Variants in GSTA2 observed in about 807,000 individuals in gnomAD.
GSTA2 encodes the protein glutathione S-transferase alpha 2.
In GSTA2, 27 loss-of-function variants were observed where a neutral mutation model predicts 22.4. The observed-to-expected ratio is 1.21, with a 90% confidence interval of 0.89 to 1.67. GSTA2 has a LOEUF of 1.67. Ranked by LOEUF, GSTA2 falls within the 40% of genes most tolerant of loss-of-function variation. The pLI, the probability that GSTA2 is intolerant of heterozygous loss-of-function variation, is 0.00. For synonymous variants in GSTA2, 121 were observed against 86.8 expected (o/e 1.39, Z -2.19); for missense variants, 302 against 260.2 (o/e 1.16, Z -1.11).
intron 1 of GSTA2, among the ~76,000 whole-genome samples, chr6:52,759,575 T>TTG (rs1762915701): frequency 3.8e-5 from 4 of 106,226 alleles, no homozygotes; most frequent in South Asian, 3.3e-4. Context: ...TTTTTTTTTT[T>TTG]TTTTTTTTTT....
intron 3 of GSTA2, among the ~76,000 whole-genome samples, 167 bp downstream of exon 3, chr6:52,756,091 G>T (rs1368588020): frequency 6.6e-6 from 1 of 152,074 alleles, no homozygotes; most frequent in Non-Finnish European, 1.5e-5. Context: ...GGAGAGAGTT[G>T]CCAGACTTGC....
At chr6:52,754,150 T>A (rs1397446247) in intron 4 of GSTA2, among the ~76,000 whole-genome samples, 1 of 152,250 alleles carries the variant, frequency 6.6e-6, no homozygotes, top group Non-Finnish European at 1.5e-5. Flanking sequence ...TTGTTTCCAC[T>A]TTTTGAATTC....
intron 1 of GSTA2, among the ~76,000 whole-genome samples, chr6:52,763,175 CT>C: frequency 6.6e-6 from 1 of 152,120 alleles, no homozygotes. Flanking sequence ...GCTACCATTT[CT>C]TTTTTCTCCT....
intron 5 of GSTA2, 66 bp downstream of exon 5, chr6:52,752,788 C>G: frequency 6.3e-7 from 1 of 1,599,180 alleles, no homozygotes; most frequent in Non-Finnish European, 8.6e-7. Flanking sequence ...CCCAGGAATG[C>G]CCAGCCACTA....
chr6:52,750,458 A>T lies in GSTA2; in HGVS notation c.*119T>A. On this transcript the variant is annotated 3_prime_UTR_variant, in exon 7 of 7. Coordinates refer to ENST00000493422, the MANE Select transcript of GSTA2 (RefSeq NM_000846.5). The stretch of plus-strand genomic sequence containing the variant: ...GAGTTGTATTATTTAATTAGCATAT[A>T]ATTTGAAAGAGTTCATTAGCTTCAC... 1 of 898,104 alleles carries T rather than the reference A, an allele frequency of 1.1e-6. No individual in the cohort carries two copies. 55.6% of individuals were successfully genotyped at this position (898,104 alleles called of 1,614,324 possible).
chr6:52,761,795 G>T (rs1483526414), intron 1 of GSTA2, among the ~76,000 whole-genome samples: 1 of 150,530 alleles, frequency 6.6e-6, no homozygotes, highest in East Asian at 1.9e-4. Flanking sequence ...GAGAGGGAGG[G>T]GGGCTACAAA....
chr6:52,754,676 T>G (rs1762807428), intron 4 of GSTA2, among the ~76,000 whole-genome samples: 1 of 152,150 alleles, frequency 6.6e-6, no homozygotes, highest in Non-Finnish European at 1.5e-5. Flanking sequence ...CCTCCTCAGT[T>G]CATTGGGTTT....
chr6:52,754,847 C>T (rs1762810544), intron 4 of GSTA2, 96 bp downstream of exon 4: 2 of 1,538,710 alleles, frequency 1.3e-6, no homozygotes, highest in Admixed American at 1.8e-5. Flanking sequence ...CAGCCTGCTG[C>T]TGGTCTTGAT....
intron 3 of GSTA2, 105 bp downstream of exon 3, chr6:52,756,153 T>G (rs73740534): frequency 1.4e-6 from 1 of 737,948 alleles, no homozygotes; most frequent in East Asian, 2.6e-5. Flanking sequence ...CTGCACCATG[T>G]ACAAATACCA....
intron 1 of GSTA2, among the ~76,000 whole-genome samples, chr6:52,762,304 A>C: frequency 6.6e-6 from 1 of 152,164 alleles, no homozygotes; most frequent in East Asian, 1.9e-4. Context: ...TGCAGTTGAG[A>C]TAAGAGGAAG....
intron 5 of GSTA2, among the ~76,000 whole-genome samples, chr6:52,752,223 T>A (rs1762754186): frequency 6.6e-6 from 1 of 152,216 alleles, no homozygotes. Flanking sequence ...GTAGGAAACC[T>A]GGGTGAACCT....
rs577056901 is a variant in GSTA2 at position 52,750,262 on chromosome 6, G to A, written c.*315C>T. 2.3e-4 allele frequency: 51 copies of A among 226,126 alleles called. No homozygotes were observed. In the South Asian group the frequency reaches 3.6e-3, roughly 16 times the overall value. The allele number at this position is 226,126 out of a possible 1,614,324, so 14.0% of individuals were successfully genotyped here. On this transcript the variant is annotated 3_prime_UTR_variant, in exon 7 of 7. Transcript: ENST00000493422. ...ATTTTAATAGATTGTATGACAAATT[G>A]TATGTTACAGGGCAATTCTTGGAAA...
chr6:52,762,433 G>A (rs925517584), intron 1 of GSTA2, among the ~76,000 whole-genome samples: 3 of 152,128 alleles, frequency 2.0e-5, no homozygotes, highest in East Asian at 3.8e-4. Context: ...ACATGCTGGC[G>A]GCAATACTGC....
chr6:52,751,574 C>T lies in GSTA2; in HGVS notation c.546+3G>A. On this transcript the variant is annotated splice_donor_region_variant and intron_variant, in intron 6 of 6. Transcript: ENST00000493422. ...CCTCTCTGAAGACTGTGAAATGGGT[C>T]ACCTTCAGCAGAGGGAAGCTGGAAA... 1 of 1,614,014 alleles carries T rather than the reference C, an allele frequency of 6.2e-7. No homozygotes were observed. The highest frequency in any genetic ancestry group is 1.1e-5 in the South Asian group (1 of 91,072).
intron 1 of GSTA2, among the ~76,000 whole-genome samples, chr6:52,758,446 C>A (rs1429497393): frequency 6.6e-6 from 1 of 151,914 alleles, no homozygotes; most frequent in African/African-American, 2.4e-5. Flanking sequence ...CAGTCACACT[C>A]CGGTTGGTGA....
intron 5 of GSTA2, 34 bp downstream of exon 5, chr6:52,752,820 T>G (rs376417930): frequency 6.2e-7 from 1 of 1,612,600 alleles, no homozygotes; most frequent in African/African-American, 1.3e-5. Flanking sequence ...GCTTCTAAAC[T>G]CAGTTCCCCA....
intron 4 of GSTA2, 96 bp downstream of exon 4, chr6:52,754,847 C>G (rs1762810544): frequency 6.5e-7 from 1 of 1,538,592 alleles, no homozygotes; most frequent in South Asian, 1.2e-5. Flanking sequence ...CAGCCTGCTG[C>G]TGGTCTTGAT....
intron 2 of GSTA2, 66 bp from the exon 3 acceptor site, chr6:52,756,375 G>T (rs1444849501): frequency 1.6e-5 from 20 of 1,243,320 alleles, no homozygotes; most frequent in Non-Finnish European, 2.1e-5. Context: ...GAAATTGAAT[G>T]GCCTCTATCT....
intron 3 of GSTA2, 68 bp from the exon 4 acceptor site, chr6:52,755,143 A>AG: frequency 6.3e-7 from 1 of 1,584,922 alleles, no homozygotes; most frequent in South Asian, 1.2e-5. Flanking sequence ...ATGAAAAAAA[A>AG]TGGTTGTTGA....
Sources: allele counts gnomAD v4.1 joint callset (sites outside exome capture counted in the v4.1 genomes callset), GRCh38; gene constraint gnomAD v4.1.1; transcripts MANE v1.5; gene names NCBI Gene and HGNC (gene_info 2026-07-23, HGNC 2026-07-21).